EFR3B: variants seen among roughly 807,000 people sequenced by gnomAD.
EFR3B encodes EFR3 homolog B, also known as protein EFR3 homolog B.
In EFR3B, 64 loss-of-function variants were observed where a neutral mutation model predicts 104.7. The observed-to-expected ratio is 0.61, with a 90% CI of 0.50 to 0.75. The LOEUF (loss-of-function observed/expected upper bound fraction) is 0.75, where lower values mean the gene tolerates loss of function less well. EFR3B is among the 30% of genes least tolerant of loss of function. The probability of loss-of-function intolerance (pLI) is 0.00; values close to 1 mark genes in which losing one functional copy is unlikely to be tolerated. For missense variants in EFR3B, 750 were observed against 1,078.5 expected (o/e 0.70, Z 4.27); for synonymous variants, 385 against 417.9 (o/e 0.92, Z 0.96).
At chr2:25,096,222 G>A (rs1669272995) in intron 3 of EFR3B, among the ~76,000 whole-genome samples, 1 of 152,128 alleles carries the variant, frequency 6.6e-6, no homozygotes, top group Non-Finnish European at 1.5e-5. Flanking sequence ...CACCATGTTG[G>A]TTAGGCTGGT....
At position 25,145,054 on chromosome 2, in the gene EFR3B, G is replaced by A. The variant is rs1251087264; in HGVS notation, c.2142+3G>A. 9 of 1,551,708 alleles carry A rather than the reference G, an allele frequency of 5.8e-6. No individual in the cohort carries two copies. Among genetic ancestry groups the A allele is most frequent in the South Asian group, 1.2e-5 (1 of 84,066 alleles). On this transcript the variant is annotated splice_donor_region_variant and intron_variant, in intron 19 of 22. Transcript: ENST00000403714. Reference sequence around the variant, plus strand: ...GGAACAGTCCGGAGAAGGAGGAGGTGAGTGTCCGTGCCACCGTCCTGGGGC... The same window carrying A: ...GGAACAGTCCGGAGAAGGAGGAGGTAAGTGTCCGTGCCACCGTCCTGGGGC...
At chr2:25,126,029 A>G (rs1448891226) in intron 5 of EFR3B, among the ~76,000 whole-genome samples, 4 of 152,254 alleles carry the variant, frequency 2.6e-5, no homozygotes, top group African/African-American at 9.6e-5. Flanking sequence ...TGAAATAGCT[A>G]CAAAATGTGA....
intron 1 of EFR3B, among the ~76,000 whole-genome samples, chr2:25,074,923 C>A (rs2149176496): frequency 6.6e-6 from 1 of 152,236 alleles, no homozygotes; most frequent in East Asian, 1.9e-4. Flanking sequence ...GGCCTATCTG[C>A]CAACTTTTTA....
intron 3 of EFR3B, among the ~76,000 whole-genome samples, chr2:25,103,216 A>G (rs1268684826): frequency 6.6e-6 from 1 of 152,172 alleles, no homozygotes; most frequent in Non-Finnish European, 1.5e-5. Context: ...CACCCCCTGC[A>G]CTGTCTAGGA....
At chr2:25,113,166 A>G (rs567395389) in intron 4 of EFR3B, among the ~76,000 whole-genome samples, 8 of 152,250 alleles carry the variant, frequency 5.3e-5, no homozygotes, top group Admixed American at 3.3e-4. Flanking sequence ...GAAATGTCAC[A>G]TGTTCGAAAT....
At chr2:25,057,291 A>C (rs79593439) in intron 1 of EFR3B, among the ~76,000 whole-genome samples, 2 of 152,278 alleles carry the variant, frequency 1.3e-5, no homozygotes, top group Admixed American at 1.3e-4. Context: ...CTTGCTTTGC[A>C]TGCATTCTAG....
In EFR3B at chr2:25,131,720, A is replaced by G. The variant is rs1670341136; in HGVS notation, c.986-30A>G. ...CAGAGGAGGAGGGTGCCAGCCTTGG[A>G]TCTCGGGTGTCCCGCCCCACCGCTC... On this transcript the variant is annotated intron_variant, in intron 9 of 22. Coordinates refer to ENST00000403714, the MANE Select transcript of EFR3B (RefSeq NM_014971.2). The surrounding 1 kb of genome is among the most constrained non-coding windows in gnomAD (Gnocchi z 7.6). 6 of 1,486,640 alleles carry G rather than the reference A, an allele frequency of 4.0e-6. No individual in the cohort carries two copies. The highest frequency in any genetic ancestry group is 5.4e-6 in the Non-Finnish European group (6 of 1,112,402). 92.1% of individuals were successfully genotyped at this position (1,486,640 alleles called of 1,614,324 possible). A position where few individuals can be genotyped will look rare whatever the true frequency, so the allele number is the denominator to read the frequency against.
intron 3 of EFR3B, among the ~76,000 whole-genome samples, chr2:25,100,224 A>T (rs1030040189): frequency 6.6e-6 from 1 of 152,148 alleles, no homozygotes; most frequent in South Asian, 2.1e-4. Context: ...ATTTTTTTTT[A>T]AATATCTGCC....
At chr2:25,100,265 A>C (rs998930396) in intron 3 of EFR3B, among the ~76,000 whole-genome samples, 1 of 152,188 alleles carries the variant, frequency 6.6e-6, no homozygotes. Context: ...GATTTAGGTC[A>C]AGACATAAAG....
At chr2:25,124,074 C>T (rs1274075043) in intron 5 of EFR3B, among the ~76,000 whole-genome samples, 2 of 152,166 alleles carry the variant, frequency 1.3e-5, no homozygotes, top group African/African-American at 4.8e-5. Flanking sequence ...TCTTCCGTCC[C>T]CTCCCTGCAC....
Position 25,103,852 on chromosome 2 carries a change from GA to G in EFR3B, c.363+66del, listed in dbSNP as rs1669492126. On this transcript the variant is annotated intron_variant, in intron 4 of 22. Transcript: ENST00000403714. ...ATCCTGGGGGGTGGCAGGGGAGAGGGAGACCTCGGGGTCGGCACTGTCATGT... is the reference window on the plus strand; with the variant it reads ...ATCCTGGGGGGTGGCAGGGGAGAGGGGACCTCGGGGTCGGCACTGTCATGT... 1.4e-5 allele frequency: 21 copies of G among 1,539,210 alleles called. No individual in the cohort carries two copies. In the South Asian group the frequency reaches 2.5e-4, roughly 19 times the overall value.
At chr2:25,121,989 C>G (rs1338349418) in intron 5 of EFR3B, among the ~76,000 whole-genome samples, 195 bp downstream of exon 5, 2 of 150,442 alleles carry the variant, frequency 1.3e-5, no homozygotes, top group Non-Finnish European at 3.0e-5. Flanking sequence ...CTTTTTGAGA[C>G]CGAGTTTCAC....
At position 25,130,474 on chromosome 2, in the gene EFR3B, T is replaced by A. The variant is rs1489227728; in HGVS notation, c.771-78T>A. 1.6e-5 allele frequency: 20 copies of A among 1,287,430 alleles called. No individual in the cohort carries two copies. Among genetic ancestry groups the A allele is most frequent in the Non-Finnish European group, 2.1e-5 (19 of 906,364 alleles). The allele number at this position is 1,287,430 out of a possible 1,614,324, so 79.8% of individuals were successfully genotyped here. ...GCGAGGGGCTCTGAGAAGGTGTCCC[T>A]CTGCCTCCAAGCTAATCTCTTCTCC... is the stretch of plus-strand genomic sequence containing the variant. On this transcript the variant is annotated intron_variant, in intron 7 of 22. Transcript: ENST00000403714. This position sits in a 1 kb window ranked among gnomAD's most constrained non-coding sequence, Gnocchi z 4.6.
chr2:25,078,621 G>C (rs1180154786), intron 1 of EFR3B, among the ~76,000 whole-genome samples: 1 of 152,108 alleles, frequency 6.6e-6, no homozygotes, highest in Admixed American at 6.5e-5. Flanking sequence ...ACTGTATTGA[G>C]GTCAGAAGAA....
At chr2:25,100,214 AT>A (rs1377520661) in intron 3 of EFR3B, among the ~76,000 whole-genome samples, 3 of 151,588 alleles carry the variant, frequency 2.0e-5, no homozygotes, top group Non-Finnish European at 2.9e-5. Flanking sequence ...CAAAAAAAAA[AT>A]TTTTTTTTAA....
rs894458724 is a variant in EFR3B, at chr2:25,151,944, G to A, written c.2222G>A (p.Arg741His). Residue 741 changes from arginine to histidine, a missense_variant, in exon 21 of 23, where the codon CGT (arginine) becomes CAT (histidine). Physicochemically the swap from Arg to His is conservative, Grantham distance 29. Transcript: ENST00000403714. ...AGCGTAGCAGTGGAGGAGCAGGAGC[G>A]TGAGCGGCGGCGGCAGGTGGTGGAG... ...VDSVAVEEQE[R>H]ERRRQVVEKF... 7.7e-6 allele frequency: 12 copies of A among 1,551,744 alleles called. No homozygotes were observed. Among genetic ancestry groups the A allele is most frequent in the African/African-American group, 2.7e-5 (2 of 73,178 alleles).
chr2:25,081,324 G>T, intron 1 of EFR3B: 1 of 904,368 alleles, frequency 1.1e-6, no homozygotes, highest in South Asian at 1.5e-5. Flanking sequence ...AACTTCTTTT[G>T]AACCTGCTTC....
chr2:25,113,519 T>G (rs577449557), intron 4 of EFR3B, among the ~76,000 whole-genome samples: 1 of 151,848 alleles, frequency 6.6e-6, no homozygotes, highest in South Asian at 2.1e-4. Flanking sequence ...ATACAAAAAA[T>G]TAGCTGGGCG....
At position 25,137,032 on chromosome 2, in the gene EFR3B, C is replaced by G. The variant is rs1313987016; in HGVS notation, c.1561-309C>G. On this transcript the variant is annotated intron_variant, in intron 14 of 22. Coordinates refer to ENST00000403714, the MANE Select transcript of EFR3B (RefSeq NM_014971.2). The surrounding 1 kb of genome is among the most constrained non-coding windows in gnomAD (Gnocchi z 4.7). ...CCTCCCTCTGTGGCTATGTGTTAAG[C>G]TGACCTCTCTGAGGAGTCAAGCCCA... 6.6e-6 allele frequency among the ~76,000 whole-genome samples: 1 copy of G among 152,162 alleles called. No homozygotes were observed. Among genetic ancestry groups the G allele is most frequent in the African/African-American group, 2.4e-5 (1 of 41,432 alleles).
Sources: allele counts gnomAD v4.1 joint callset (sites outside exome capture counted in the v4.1 genomes callset), GRCh38; gene constraint gnomAD v4.1.1; non-coding constraint Gnocchi (gnomAD v3.1); transcripts MANE v1.5; gene names NCBI Gene and HGNC (gene_info 2026-07-23, HGNC 2026-07-21).